Variants in EPB41L2 observed in about 807,000 individuals in gnomAD.
The protein encoded by EPB41L2 is band 4.1-like protein 2.
Under a neutral mutation model 113.0 loss-of-function variants are expected in EPB41L2, and 43 were observed. The observed-to-expected ratio is 0.38, with a 90% CI of 0.30 to 0.49. The LOEUF is 0.49. Among genes scored for constraint, EPB41L2 ranks in the 20% least tolerant of loss-of-function variants. The pLI is 0.95. For synonymous variants in EPB41L2, 442 were observed against 436.7 expected, an observed-to-expected ratio of 1.01 and a Z score of -0.15; for missense variants, 1,147 against 1,223.4, an observed-to-expected ratio of 0.94 and a Z score of 0.93.
intron 1 of EPB41L2, among the ~76,000 whole-genome samples, chr6:130,985,572 C>T (rs373922282): frequency 4.6e-5 from 7 of 152,142 alleles, no homozygotes; most frequent in African/African-American, 7.2e-5. Flanking sequence ...GATGGGACAT[C>T]GCCAGCTGAA....
intron 1 of EPB41L2, among the ~76,000 whole-genome samples, chr6:131,043,074 A>T (rs1393036758): frequency 6.6e-6 from 1 of 152,126 alleles, no homozygotes. Flanking sequence ...CGAGGCAGGC[A>T]GATTACTTGA....
At chr6:130,923,292 G>A (rs1803491126) in intron 4 of EPB41L2, among the ~76,000 whole-genome samples, 2 of 152,152 alleles carry the variant, frequency 1.3e-5, no homozygotes, top group Admixed American at 6.5e-5. Flanking sequence ...ATCAACCAAA[G>A]TGACCTTTTT....
intron 10 of EPB41L2, among the ~76,000 whole-genome samples, chr6:130,892,280 C>G (rs1456971866): frequency 1.3e-5 from 2 of 150,170 alleles, no homozygotes; most frequent in African/African-American, 4.9e-5. Flanking sequence ...GCACCGATCT[C>G]TAAGCATCAG....
intron 4 of EPB41L2, among the ~76,000 whole-genome samples, chr6:130,915,227 C>T (rs980175777): frequency 1.1e-4 from 17 of 151,812 alleles, no homozygotes; most frequent in African/African-American, 1.9e-4. Flanking sequence ...GGCGTGAACC[C>T]GGGAGGCGGA....
chr6:130,982,368 C>G (rs1779568159), intron 1 of EPB41L2, among the ~76,000 whole-genome samples: 1 of 152,088 alleles, frequency 6.6e-6, no homozygotes, highest in Admixed American at 6.5e-5. Flanking sequence ...AACTTCAAAA[C>G]CTAAGGCTTA....
At chr6:130,958,703 T>C (rs1818345713) in intron 1 of EPB41L2, among the ~76,000 whole-genome samples, 1 of 152,126 alleles carries the variant, frequency 6.6e-6, no homozygotes, top group Non-Finnish European at 1.5e-5. Flanking sequence ...TAATCCACTG[T>C]ACAAGTGAAG....
chr6:130,909,934 G>A (rs1201251168), intron 4 of EPB41L2, among the ~76,000 whole-genome samples: 2 of 152,104 alleles, frequency 1.3e-5, no homozygotes, highest in African/African-American at 2.4e-5. Context: ...AATCAATATC[G>A]TGAAAATGAT....
chr6:131,051,825 A>C (rs1226239271), intron 1 of EPB41L2, among the ~76,000 whole-genome samples: 1 of 152,190 alleles, frequency 6.6e-6, no homozygotes, highest in Admixed American at 6.5e-5. Flanking sequence ...GGAGAAAGAC[A>C]TTTTAAGACA....
At chr6:130,922,980 A>G (rs1803381796) in intron 4 of EPB41L2, among the ~76,000 whole-genome samples, 1 of 152,156 alleles carries the variant, frequency 6.6e-6, no homozygotes, top group Non-Finnish European at 1.5e-5. Context: ...CTCTTTCCGT[A>G]AGTTATTGAA....
intron 1 of EPB41L2, among the ~76,000 whole-genome samples, chr6:130,961,651 T>C (rs536540215): frequency 6.6e-6 from 1 of 152,272 alleles, no homozygotes; most frequent in African/African-American, 2.4e-5. Flanking sequence ...GTTCAGATGT[T>C]TCCTTAAAAC....
intron 19 of EPB41L2, among the ~76,000 whole-genome samples, chr6:130,843,941 G>A (rs957192324): frequency 6.6e-6 from 1 of 152,302 alleles, no homozygotes; most frequent in East Asian, 1.9e-4. Flanking sequence ...ATACATACAA[G>A]TTCTATGATC....
intron 16 of EPB41L2, among the ~76,000 whole-genome samples, chr6:130,866,228 T>C (rs1463131299): frequency 2.6e-5 from 4 of 152,236 alleles, no homozygotes; most frequent in Non-Finnish European, 4.4e-5. Flanking sequence ...TACATATATA[T>C]AAATCCCATA....
intron 11 of EPB41L2, among the ~76,000 whole-genome samples, chr6:130,888,961 C>A (rs993390371): frequency 2.0e-5 from 3 of 152,094 alleles, no homozygotes; most frequent in Non-Finnish European, 4.4e-5. Context: ...CCAAGTTTTT[C>A]TTCTAGAAAA....
At chr6:131,057,623 G>A (rs1009939885) in intron 1 of EPB41L2, among the ~76,000 whole-genome samples, 1 of 152,156 alleles carries the variant, frequency 6.6e-6, no homozygotes, top group Admixed American at 6.5e-5. Flanking sequence ...ACAAGGGCTT[G>A]GAAAAGGTGA....
chr6:130,954,361 T>C (rs74420743), intron 3 of EPB41L2, among the ~76,000 whole-genome samples: 4,010 of 152,196 alleles, frequency 0.026, 182 homozygotes, highest in African/African-American at 0.092. Flanking sequence ...CCCTAAAACT[T>C]TGGGCAAGGA....
chr6:131,059,862 C>T (rs1186880198), intron 1 of EPB41L2, among the ~76,000 whole-genome samples: 1 of 152,116 alleles, frequency 6.6e-6, no homozygotes, highest in Non-Finnish European at 1.5e-5. Flanking sequence ...TACAGTAATT[C>T]TGAATCTGAA....
At chr6:130,892,462 G>T (rs1793284285) in intron 10 of EPB41L2, among the ~76,000 whole-genome samples, 3 of 135,330 alleles carry the variant, frequency 2.2e-5, no homozygotes, top group Admixed American at 1.7e-4. Flanking sequence ...TGCCCAGCTT[G>T]GACCTGTGTC....
intron 1 of EPB41L2, among the ~76,000 whole-genome samples, chr6:130,985,498 G>A (rs747123602): frequency 8.5e-5 from 13 of 152,188 alleles, no homozygotes; most frequent in African/African-American, 2.4e-4. Context: ...AGCTAGATTC[G>A]ACCTGGAAGG....
Position 130,899,303 on chromosome 6 carries a change from CAG to C in EPB41L2, c.1236+186_1236+187del, listed in dbSNP as rs3215955. 5.5e-4 allele frequency among the ~76,000 whole-genome samples: 83 copies of C among 152,152 alleles called. No individual in the cohort carries two copies. In the East Asian group the frequency reaches 0.012, roughly 21 times the overall value. The stretch of plus-strand genomic sequence containing the variant: ...AGACTGGGAAAACAAGTGGTAGAGA[CAG>C]AATACATGGTCCCTCCCACAACCAA... On this transcript the variant is annotated intron_variant, in intron 8 of 19. Coordinates refer to ENST00000337057, the MANE Select transcript of EPB41L2 (RefSeq NM_001431.4).
Sources: gnomAD v4.1 joint callset for allele counts (sites outside exome capture counted in the v4.1 genomes callset) on GRCh38, gnomAD v4.1.1 for gene constraint, MANE v1.5 for transcripts, NCBI Gene and HGNC (gene_info 2026-07-23, HGNC 2026-07-21) for gene names.